The following COA1 variants were observed in gnomAD, a reference collection of about 807,000 sequenced individuals.
COA1 encodes the protein cytochrome c oxidase assembly factor 1.
In COA1, 13 loss-of-function variants were observed where a neutral mutation model predicts 16.0. The observed-to-expected ratio is 0.81, with a 90% CI of 0.53 to 1.29. The LOEUF is 1.29. Ranked by LOEUF, COA1 falls within the 50% of genes most tolerant of loss-of-function variation. COA1 has a pLI of 0.00. For missense variants in COA1, 179 were observed against 177.0 expected, an observed-to-expected ratio of 1.01 and a Z score of -0.06; for synonymous variants, 65 against 65.7, an observed-to-expected ratio of 0.99 and a Z score of 0.05.
At chr7:43,615,326 C>T (rs184434471) in intron 6 of COA1, among the ~76,000 whole-genome samples, 138 of 152,264 alleles carry the variant, frequency 9.1e-4, no homozygotes, top group African/African-American at 3.2e-3. Flanking sequence ...CAGGTGTACA[C>T]CACCATGCCT....
intron 6 of COA1, chr7:43,631,938 G>A (rs1178433503): frequency 6.6e-6 from 1 of 152,214 alleles, no homozygotes; most frequent in African/African-American, 2.4e-5. Flanking sequence ...TTAAATGCGA[G>A]AGGAGGGTAG....
downstream of COA1, chr7:43,639,023 G>GAAAT (rs1563205528): frequency 1.3e-5 from 2 of 152,256 alleles, no homozygotes; most frequent in South Asian, 2.1e-4. Context: ...GTCTGAAATA[G>GAAAT]AAATAAATAA....
intron 1 of COA1, among the ~76,000 whole-genome samples, chr7:43,695,440 C>T (rs1159242851): frequency 6.6e-6 from 1 of 150,640 alleles, no homozygotes; most frequent in African/African-American, 2.4e-5. Flanking sequence ...CAGTTATCCA[C>T]ATGGCACATG....
intron 1 of COA1, among the ~76,000 whole-genome samples, chr7:43,700,060 G>A (rs760491772): frequency 3.4e-4 from 51 of 151,996 alleles, no homozygotes; most frequent in Non-Finnish European, 4.4e-4. Context: ...GTATTCATAC[G>A]GCAAAAAAAC....
chr7:43,701,854 C>T (rs570273997), intron 1 of COA1, among the ~76,000 whole-genome samples: 29 of 151,906 alleles, frequency 1.9e-4, no homozygotes, highest in Non-Finnish European at 4.3e-4. Flanking sequence ...AGCATTTTTT[C>T]ATGTTTGTTG....
intron 1 of COA1, among the ~76,000 whole-genome samples, chr7:43,700,350 A>G (rs1343462390): frequency 6.6e-6 from 1 of 152,042 alleles, no homozygotes; most frequent in Non-Finnish European, 1.5e-5. Flanking sequence ...TATATACATA[A>G]AATTTTCTAT....
chr7:43,677,800 T>TAAAAAAA (rs11310207), intron 1 of COA1, among the ~76,000 whole-genome samples: 88 of 116,782 alleles, frequency 7.5e-4, no homozygotes, highest in African/African-American at 2.9e-3. Context: ...GGCTCTGTCT[T>TAAAAAAA]AAAAAAAAAA....
intron 6 of COA1, chr7:43,626,172 A>G (rs1187166110): frequency 6.6e-6 from 1 of 152,162 alleles, no homozygotes; most frequent in Non-Finnish European, 1.5e-5. Flanking sequence ...ACTATGAACA[A>G]CTCAGACCTG....
chr7:43,687,696 T>C (rs1450512809), intron 1 of COA1, among the ~76,000 whole-genome samples: 1 of 151,934 alleles, frequency 6.6e-6, no homozygotes, highest in Non-Finnish European at 1.5e-5. Flanking sequence ...AAAAAGAAAA[T>C]AGTGTTTTAT....
chr7:43,645,382 A>ATTAT lies in COA1; in HGVS notation c.132_133insATAA (p.Leu45IlefsTer43). 2 of 1,614,064 alleles carry ATTAT rather than the reference A, an allele frequency of 1.2e-6. No homozygotes were observed. The highest frequency in any genetic ancestry group is 1.7e-6 in the Non-Finnish European group (2 of 1,179,950). ...TGCTCCACTGCCAACTTGTAATATA[A>ATTAT]AGCCCTGGAATGAAACTCTAAGGAC... On this transcript the variant is annotated frameshift_variant, in exon 4 of 6. Transcript: ENST00000223336. LOFTEE classifies it high-confidence loss of function.
intron 1 of COA1, among the ~76,000 whole-genome samples, chr7:43,666,319 A>G (rs1584703086): frequency 1.3e-5 from 2 of 152,214 alleles, no homozygotes; most frequent in East Asian, 3.8e-4. Context: ...CCTTAATTTT[A>G]GGGATCTGTC....
In COA1 at chr7:43,644,759, TAGGC is replaced by T. The variant is rs141430575; in HGVS notation, c.264+488_264+491del. ...ATAGATAGATAGATAGATAGATAGA[TAGGC>T]AGGCAGGCAGGCAGGCAGGCAGGCA... On this transcript the variant is annotated intron_variant, in intron 4 of 5. Transcript: ENST00000223336. 8.2e-3 allele frequency among the ~76,000 whole-genome samples: 938 copies of T among 114,472 alleles called. 15 individuals carry two copies. Among genetic ancestry groups the T allele is most frequent in the Non-Finnish European group, 0.011 (599 of 55,492 alleles). The allele number at this position is 114,472 out of a possible 152,430, so 75.1% of individuals were successfully genotyped here. A position where few individuals can be genotyped will look rare whatever the true frequency, so the allele number is the denominator to read the frequency against.
At chr7:43,728,698 G>A (rs1233265853) in intron 1 of COA1, among the ~76,000 whole-genome samples, 1 of 152,182 alleles carries the variant, frequency 6.6e-6, no homozygotes, top group Non-Finnish European at 1.5e-5. Context: ...TCTGATATGC[G>A]TTTTAAACGT....
At chr7:43,691,862 C>T (rs1379855556) in intron 1 of COA1, among the ~76,000 whole-genome samples, 1 of 152,162 alleles carries the variant, frequency 6.6e-6, no homozygotes, top group Non-Finnish European at 1.5e-5. Flanking sequence ...CAGAAACAGC[C>T]CCATTCCCAA....
intron 1 of COA1, among the ~76,000 whole-genome samples, chr7:43,697,318 A>C (rs1365262620): frequency 1.3e-5 from 2 of 151,986 alleles, no homozygotes; most frequent in Non-Finnish European, 2.9e-5. Flanking sequence ...TTGAGACAGA[A>C]TCTCACTGTG....
At chr7:43,709,478 G>A (rs144987025) in intron 1 of COA1, among the ~76,000 whole-genome samples, 197 of 142,232 alleles carry the variant, frequency 1.4e-3, no homozygotes, top group African/African-American at 4.3e-3. Context: ...GTGTGTATAC[G>A]CATGAACATG....
intron 1 of COA1, among the ~76,000 whole-genome samples, chr7:43,702,829 T>C (rs2094805115): frequency 1.3e-5 from 2 of 152,194 alleles, no homozygotes; most frequent in African/African-American, 2.4e-5. Context: ...GTCTTTTGTA[T>C]GGATTTTCAT....
chr7:43,629,039 A>G (rs2084911512), intron 6 of COA1, among the ~76,000 whole-genome samples: 1 of 152,194 alleles, frequency 6.6e-6, no homozygotes, highest in South Asian at 2.1e-4. Flanking sequence ...TATATGCCAT[A>G]AAGTAGGTAG....
chr7:43,720,192 T>C (rs1185495269), intron 1 of COA1, among the ~76,000 whole-genome samples: 2 of 152,010 alleles, frequency 1.3e-5, no homozygotes, highest in African/African-American at 2.4e-5. Flanking sequence ...GGCAGGAGAA[T>C]TGCTTGAAAC....
Sources: allele counts gnomAD v4.1 joint callset (sites outside exome capture counted in the v4.1 genomes callset), GRCh38; gene constraint gnomAD v4.1.1; transcripts MANE v1.5; gene names NCBI Gene and HGNC (gene_info 2026-07-23, HGNC 2026-07-21).